DLG2: variants seen among roughly 807,000 people sequenced by gnomAD.
The protein encoded by DLG2 is disks large homolog 2.
Under a neutral mutation model 132.5 loss-of-function variants are expected in DLG2, and 45 were observed. The ratio of observed to expected loss-of-function variants is 0.34; its 90% CI spans 0.27 to 0.44. The LOEUF is 0.44. DLG2 is among the 20% of genes least tolerant of loss of function. DLG2 has a pLI of 1.00. For missense variants in DLG2, 1,045 were observed against 1,196.9 expected, an observed-to-expected ratio of 0.87 and a Z score of 1.87; for synonymous variants, 424 against 419.6, an observed-to-expected ratio of 1.01 and a Z score of -0.13.
At chr11:84,596,509 T>C (rs2099558620) in intron 6 of DLG2, among the ~76,000 whole-genome samples, 1 of 151,644 alleles carries the variant, frequency 6.6e-6, no homozygotes, top group Non-Finnish European at 1.5e-5. Flanking sequence ...AGGCTTGAGC[T>C]ATTGCACCCA....
intron 6 of DLG2, among the ~76,000 whole-genome samples, chr11:84,639,714 TG>T (rs1167641433): frequency 6.6e-6 from 1 of 152,090 alleles, no homozygotes. Flanking sequence ...CAATCACACA[TG>T]GGCCCTGGGT....
At chr11:84,596,919 T>C (rs2099561319) in intron 6 of DLG2, among the ~76,000 whole-genome samples, 1 of 152,158 alleles carries the variant, frequency 6.6e-6, no homozygotes. Flanking sequence ...GCAATGATAA[T>C]GACAGAATGA....
intron 6 of DLG2, among the ~76,000 whole-genome samples, chr11:84,936,417 C>T (rs2048751205): frequency 6.6e-6 from 1 of 151,970 alleles, no homozygotes; most frequent in Non-Finnish European, 1.5e-5. Flanking sequence ...AAATATTTCA[C>T]TTATAAAAAT....
At chr11:84,028,466 T>G (rs1434740257) in intron 11 of DLG2, among the ~76,000 whole-genome samples, 2 of 144,384 alleles carry the variant, frequency 1.4e-5, no homozygotes. Context: ...CACTGATCCT[T>G]GAACCATGAA....
chr11:84,466,337 A>G lies in DLG2; in HGVS notation c.519+68233T>C, dbSNP rs533342576. 7.3e-5 allele frequency among the ~76,000 whole-genome samples: 11 copies of G among 151,388 alleles called. No individual in the cohort carries two copies. In the South Asian group the frequency reaches 2.3e-3, roughly 31 times the overall value. On this transcript the variant is annotated intron_variant, in intron 7 of 27. Transcript: ENST00000376104. The stretch of plus-strand genomic sequence containing the variant: ...AACATATGTGCTCAATATTAAGGAC[A>G]TTTTTCCCCTAAAGATGAATAACAA...
At chr11:84,543,709 G>T (rs952631420) in intron 6 of DLG2, among the ~76,000 whole-genome samples, 4 of 152,158 alleles carry the variant, frequency 2.6e-5, no homozygotes, top group African/African-American at 9.7e-5. Flanking sequence ...AATATGGCTT[G>T]CCCAAAGAAC....
At chr11:85,198,911 C>A (rs963346795) in intron 4 of DLG2, among the ~76,000 whole-genome samples, 1 of 152,144 alleles carries the variant, frequency 6.6e-6, no homozygotes, top group Non-Finnish European at 1.5e-5. Flanking sequence ...AATCTCTCTG[C>A]CAAAAGTTCC....
chr11:85,291,367 G>C (rs1026057686), intron 3 of DLG2, among the ~76,000 whole-genome samples: 2 of 151,942 alleles, frequency 1.3e-5, no homozygotes, highest in African/African-American at 4.8e-5. Context: ...AAGTGACTGG[G>C]GAATGTCTTT....
chr11:84,575,025 C>A (rs1312785446), intron 6 of DLG2, among the ~76,000 whole-genome samples: 1 of 152,172 alleles, frequency 6.6e-6, no homozygotes, highest in Non-Finnish European at 1.5e-5. Flanking sequence ...GCATCGTCAG[C>A]TCTCTGCTAA....
At chr11:85,095,972 C>G (rs1415120262) in intron 6 of DLG2, among the ~76,000 whole-genome samples, 1 of 152,190 alleles carries the variant, frequency 6.6e-6, no homozygotes, top group African/African-American at 2.4e-5. Flanking sequence ...ACCTTCGTGT[C>G]TAGCTAAAGG....
At chr11:83,577,055 C>A (rs2096884220) in intron 19 of DLG2, among the ~76,000 whole-genome samples, 1 of 152,040 alleles carries the variant, frequency 6.6e-6, no homozygotes, top group Non-Finnish European at 1.5e-5. Context: ...GCAGATCCAC[C>A]CTTAATCTGG....
chr11:84,957,018 A>T (rs2051771364), intron 6 of DLG2, among the ~76,000 whole-genome samples: 1 of 152,208 alleles, frequency 6.6e-6, no homozygotes, highest in Non-Finnish European at 1.5e-5. Context: ...ATTGTAATTC[A>T]ACATTAGTTG....
chr11:84,478,283 T>C (rs2154492572), intron 7 of DLG2, among the ~76,000 whole-genome samples: 1 of 152,244 alleles, frequency 6.6e-6, no homozygotes, highest in East Asian at 1.9e-4. Context: ...TACAGTAGTG[T>C]TTGAAACACA....
chr11:84,238,513 C>A (rs2097187486), intron 8 of DLG2, among the ~76,000 whole-genome samples: 1 of 150,522 alleles, frequency 6.6e-6, no homozygotes. Context: ...GAGTGAGACC[C>A]TGTCTCAAAA....
At chr11:85,544,084 G>A (rs2076145297) in intron 3 of DLG2, among the ~76,000 whole-genome samples, 2 of 152,130 alleles carry the variant, frequency 1.3e-5, no homozygotes, top group Non-Finnish European at 1.5e-5. Flanking sequence ...GTCCTGAATG[G>A]TATTGCCAAG....
chr11:85,225,929 T>C (rs944292076), intron 4 of DLG2, among the ~76,000 whole-genome samples: 2 of 152,118 alleles, frequency 1.3e-5, no homozygotes, highest in Admixed American at 1.3e-4. Context: ...CCTACTACCA[T>C]GGAACTTGTT....
intron 3 of DLG2, among the ~76,000 whole-genome samples, chr11:85,512,823 AG>A (rs2094104554): frequency 6.6e-6 from 1 of 152,146 alleles, no homozygotes; most frequent in Non-Finnish European, 1.5e-5. Flanking sequence ...CATTCGACCC[AG>A]CAATCCCATT....
chr11:83,684,851 A>C (rs187038639), intron 18 of DLG2, among the ~76,000 whole-genome samples: 1 of 152,246 alleles, frequency 6.6e-6, no homozygotes, highest in Non-Finnish European at 1.5e-5. Context: ...ATGAGTCATG[A>C]TAACTCTTAT....
chr11:84,512,792 G>C (rs1447602936), intron 7 of DLG2, among the ~76,000 whole-genome samples: 1 of 152,056 alleles, frequency 6.6e-6, no homozygotes, highest in Non-Finnish European at 1.5e-5. Context: ...ATACACCATG[G>C]AATACTACAC....
Sources: allele counts gnomAD v4.1 joint callset (sites outside exome capture counted in the v4.1 genomes callset), GRCh38; gene constraint gnomAD v4.1.1; transcripts MANE v1.5; gene names NCBI Gene and HGNC (gene_info 2026-07-23, HGNC 2026-07-21).